The following SFXN1 variants were observed in gnomAD, a reference collection of about 807,000 sequenced individuals.
SFXN1 encodes sideroflexin 1.
In SFXN1, 32 loss-of-function variants were observed where a neutral mutation model predicts 39.5. The observed-to-expected ratio is 0.81, with a 90% CI of 0.61 to 1.09. The LOEUF (loss-of-function observed/expected upper bound fraction) is 1.09, where lower values mean the gene tolerates loss of function less well. Among genes scored for constraint, SFXN1 ranks in the 50% least tolerant of loss-of-function variants. The pLI is 0.00. For synonymous variants in SFXN1, 136 were observed against 146.5 expected, an observed-to-expected ratio of 0.93 and a Z score of 0.52; for missense variants, 402 against 407.1, an observed-to-expected ratio of 0.99 and a Z score of 0.11.
intron 1 of SFXN1, among the ~76,000 whole-genome samples, chr5:175,485,572 C>T (rs949131142): frequency 2.0e-5 from 3 of 152,212 alleles, no homozygotes; most frequent in African/African-American, 7.2e-5. Context: ...AGATCCTTAA[C>T]TTAATCATAT....
At chr5:175,524,123 AAAATATAT>A (rs1561678446) in intron 10 of SFXN1, 1 of 25,532 alleles carries the variant, frequency 3.9e-5, no homozygotes, top group East Asian at 1.4e-3. Context: ...AAAAAAAAAA[AAAATATAT>A]ATATATATAT....
At chr5:175,486,275 A>C (rs1202104514) in intron 1 of SFXN1, among the ~76,000 whole-genome samples, 2 of 152,190 alleles carry the variant, frequency 1.3e-5, no homozygotes, top group Non-Finnish European at 2.9e-5. Context: ...GGTGAGTGGA[A>C]AGCTGGCCAG....
chr5:175,516,530 G>A lies in SFXN1; in HGVS notation c.725-84G>A, dbSNP rs1760719936. On this transcript the variant is annotated intron_variant, in intron 7 of 10. Transcript: ENST00000321442. ...TGGAAATAGCCTAAAAGTGACAGAA[G>A]CTTTCTGTCAAATGGTTGAAAAAAA... is the stretch of plus-strand genomic sequence containing the variant. The A allele has an allele frequency of 2.5e-6, 3 of 1,210,922 alleles. No homozygotes were observed. The African/African-American group carries it at 4.6e-5, about 19-fold the overall frequency. 75.0% of individuals were successfully genotyped at this position (1,210,922 alleles called of 1,614,324 possible).
rs10069602 is a variant in SFXN1 at position 175,487,832 on chromosome 5, C to G, written c.-9-4263C>G. 8.6e-3 allele frequency among the ~76,000 whole-genome samples: 1,314 copies of G among 152,250 alleles called. 15 individuals are homozygous for G. The highest frequency in any genetic ancestry group is 0.03 in the African/African-American group (1,232 of 41,522). The stretch of plus-strand genomic sequence containing the variant: ...TTCCTGTCTTCTCCCTCGGCCCTCT[C>G]CACCTCCAGTTTTTCCAACTAAATA... On this transcript the variant is annotated intron_variant, in intron 1 of 10. Transcript: ENST00000321442.
At chr5:175,516,586 A>G in intron 7 of SFXN1, 28 bp from the exon 8 acceptor site, 1 of 1,594,680 alleles carries the variant, frequency 6.3e-7, no homozygotes, top group Non-Finnish European at 8.5e-7. Flanking sequence ...TTAAATAAAG[A>G]TTTAAGTGGA....
chr5:175,499,074 G>A (rs897991156), intron 2 of SFXN1, among the ~76,000 whole-genome samples: 15 of 152,132 alleles, frequency 9.9e-5, no homozygotes, highest in African/African-American at 3.4e-4. Flanking sequence ...GGCCAACATG[G>A]TAAAACCCCA....
chr5:175,513,596 C>T lies in SFXN1; in HGVS notation c.724+6C>T. 6.2e-7 allele frequency: 1 copy of T among 1,613,358 alleles called. No individual in the cohort carries two copies. The highest frequency in any genetic ancestry group is 8.5e-7 in the Non-Finnish European group (1 of 1,179,656). Reference sequence around the variant, plus strand: ...CATGGCAGCCCCTGGCATGGGTTAGCAGGACTTTGTCATTTATTCCATAAA... The same window carrying T: ...CATGGCAGCCCCTGGCATGGGTTAGTAGGACTTTGTCATTTATTCCATAAA... On this transcript the variant is annotated splice_donor_region_variant and intron_variant, in intron 7 of 10. Coordinates refer to ENST00000321442, the MANE Select transcript of SFXN1 (RefSeq NM_022754.7).
At chr5:175,524,099 G>A (rs1458686514) in intron 10 of SFXN1, 1 of 69,582 alleles carries the variant, frequency 1.4e-5, no homozygotes, top group African/African-American at 6.1e-5. Flanking sequence ...GCGAGATTCT[G>A]TCTCAAAAAA....
intron 1 of SFXN1, among the ~76,000 whole-genome samples, chr5:175,481,992 G>A (rs1759271039): frequency 6.6e-6 from 1 of 152,226 alleles, no homozygotes; most frequent in Non-Finnish European, 1.5e-5. Context: ...CCAAGGGTCA[G>A]AATTGAGTTT....
At chr5:175,485,966 C>G (rs147649742) in intron 1 of SFXN1, among the ~76,000 whole-genome samples, 218 of 152,304 alleles carry the variant, frequency 1.4e-3, no homozygotes, top group African/African-American at 5.1e-3. Context: ...ATGTGGCAAG[C>G]TTAGGCCAGC....
intron 4 of SFXN1, among the ~76,000 whole-genome samples, chr5:175,511,077 G>A (rs1760492935): frequency 6.6e-6 from 1 of 152,056 alleles, no homozygotes. Context: ...ATATTTTTAA[G>A]CAAATATGCC....
intron 1 of SFXN1, among the ~76,000 whole-genome samples, chr5:175,478,957 C>T (rs1229997623): frequency 6.6e-6 from 1 of 152,098 alleles, no homozygotes; most frequent in East Asian, 1.9e-4. Flanking sequence ...GCCGCGCTGT[C>T]TTCGGCGCCT....
chr5:175,524,963 G>T (rs1321702191), intron 10 of SFXN1, among the ~76,000 whole-genome samples: 2 of 152,106 alleles, frequency 1.3e-5, no homozygotes, highest in Non-Finnish European at 2.9e-5. Flanking sequence ...GTCAGAATAG[G>T]CCAGATAGTC....
At chr5:175,497,124 A>G (rs1759885890) in intron 2 of SFXN1, among the ~76,000 whole-genome samples, 1 of 152,112 alleles carries the variant, frequency 6.6e-6, no homozygotes, top group Non-Finnish European at 1.5e-5. Flanking sequence ...CCTGAACTCA[A>G]GTGATCTGCC....
intron 2 of SFXN1, 47 bp downstream of exon 2, chr5:175,492,314 A>G: frequency 6.9e-7 from 1 of 1,442,402 alleles, no homozygotes; most frequent in Non-Finnish European, 9.2e-7. Flanking sequence ...ATAGATCATC[A>G]TGTTAGGCTG....
chr5:175,521,364 G>A (rs1760873217), intron 8 of SFXN1, among the ~76,000 whole-genome samples: 1 of 152,112 alleles, frequency 6.6e-6, no homozygotes, highest in Admixed American at 6.5e-5. Flanking sequence ...GGTGAGGGAT[G>A]GTAAGCATTT....
rs553379727 is a variant in SFXN1, at chr5:175,511,336, C to A, written c.435-115C>A. 24 of 798,752 alleles carry A rather than the reference C, an allele frequency of 3.0e-5. No individual in the cohort carries two copies. The East Asian group carries it at 5.7e-4, about 19-fold the overall frequency. The allele number at this position is 798,752 out of a possible 1,614,324, so 49.5% of individuals were successfully genotyped here. A position where few individuals can be genotyped will look rare whatever the true frequency, so the allele number is the denominator to read the frequency against. On this transcript the variant is annotated intron_variant, in intron 4 of 10. Coordinates refer to ENST00000321442, the MANE Select transcript of SFXN1 (RefSeq NM_022754.7). ...GTGATAGTGAATGTTGTTTTGTAGA[C>A]TCTTCATTCTGAATCATGCTCTTTT...
At position 175,516,618 on chromosome 5, in the gene SFXN1, C is replaced by T. The variant is rs1760723403; in HGVS notation, c.729C>T (p.Ile243=). The T allele has an allele frequency of 6.2e-7, 1 of 1,610,852 alleles. No homozygotes were observed. Among genetic ancestry groups the T allele is most frequent in the Non-Finnish European group, 8.5e-7 (1 of 1,178,916 alleles). Reference sequence around the variant, plus strand: ...TGGATCTATCTTTATTTCCAGCCATCCCTCCATTCATTATGAACACTTTGG... The same window carrying T: ...TGGATCTATCTTTATTTCCAGCCATTCCTCCATTCATTATGAACACTTTGG... ...RILMAAPGMA[I]PPFIMNTLEK... The change falls in exon 8 of 11, where the codon ATC becomes ATT. Residue 243 remains isoleucine, a synonymous_variant. Transcript: ENST00000321442.
chr5:175,511,300 C>G, intron 4 of SFXN1, 151 bp from the exon 5 acceptor site: 1 of 612,818 alleles, frequency 1.6e-6, no homozygotes, highest in South Asian at 2.1e-5. Context: ...CTAGATTCCC[C>G]TACTTGTGGA....
Sources: allele counts gnomAD v4.1 joint callset (sites outside exome capture counted in the v4.1 genomes callset), GRCh38; gene constraint gnomAD v4.1.1; transcripts MANE v1.5; gene names NCBI Gene and HGNC (gene_info 2026-07-23, HGNC 2026-07-21).